RAPGEF2: variants seen among roughly 807,000 people sequenced by gnomAD.
RAPGEF2 encodes the protein PDZ domain containing guanine nucleotide exchange factor (GEF) 1.
Under a neutral mutation model 186.7 loss-of-function variants are expected in RAPGEF2, and 54 were observed. The ratio of observed to expected loss-of-function variants is 0.29; its 90% CI spans 0.23 to 0.36. The LOEUF (loss-of-function observed/expected upper bound fraction) is 0.36. RAPGEF2 is among the 10% of genes least tolerant of loss of function. RAPGEF2 has a pLI of 1.00. For synonymous variants in RAPGEF2, 712 were observed against 705.9 expected, an observed-to-expected ratio of 1.01 and a Z score of -0.14; for missense variants, 1,532 against 2,045.0, an observed-to-expected ratio of 0.75 and a Z score of 4.84.
At chr4:159,313,902 A>G (rs1040474514) in intron 8 of RAPGEF2, among the ~76,000 whole-genome samples, 5 of 152,222 alleles carry the variant, frequency 3.3e-5, no homozygotes, top group Non-Finnish European at 7.3e-5. Flanking sequence ...TAGTTCAACA[A>G]AAGAGGCCAT....
At chr4:159,284,161 A>G (rs947707526) in intron 7 of RAPGEF2, among the ~76,000 whole-genome samples, 22 of 152,154 alleles carry the variant, frequency 1.4e-4, no homozygotes, top group African/African-American at 4.8e-4. Flanking sequence ...TAACTTCCCA[A>G]TACACCCCAC....
chr4:159,119,796 T>G (rs1739459592), intron 1 of RAPGEF2, among the ~76,000 whole-genome samples: 1 of 152,176 alleles, frequency 6.6e-6, no homozygotes, highest in Non-Finnish European at 1.5e-5. Context: ...GGTAGATGAG[T>G]TCTAAACATC....
intron 1 of RAPGEF2, among the ~76,000 whole-genome samples, chr4:159,154,812 A>C (rs112495991): frequency 1.5e-3 from 226 of 152,212 alleles, no homozygotes; most frequent in African/African-American, 5.1e-3. Flanking sequence ...CCGTGTTACT[A>C]TACTGCTTCT....
intron 11 of RAPGEF2, 151 bp from the exon 12 acceptor site, chr4:159,329,707 C>G: frequency 2.0e-6 from 1 of 491,906 alleles, no homozygotes; most frequent in East Asian, 3.5e-5. Context: ...GTAGAGAAGT[C>G]TGATTAAGGT....
chr4:159,136,823 C>A (rs1370654139), intron 1 of RAPGEF2, among the ~76,000 whole-genome samples: 2 of 152,072 alleles, frequency 1.3e-5, no homozygotes, highest in Admixed American at 6.5e-5. Flanking sequence ...AGTTTGGTAA[C>A]CTTCCTTAAG....
intron 1 of RAPGEF2, among the ~76,000 whole-genome samples, chr4:159,170,551 C>T (rs373781380): frequency 4.3e-4 from 65 of 152,272 alleles, no homozygotes; most frequent in African/African-American, 1.6e-3. Context: ...ATAGGCTACA[C>T]GCAAACCCTA....
chr4:159,210,835 T>G (rs1417071061), intron 4 of RAPGEF2, among the ~76,000 whole-genome samples: 1 of 152,192 alleles, frequency 6.6e-6, no homozygotes, highest in African/African-American at 2.4e-5. Context: ...TCATGTCAGC[T>G]GTGTTGAGGG....
chr4:159,234,475 C>T (rs539276608), intron 4 of RAPGEF2, among the ~76,000 whole-genome samples: 3 of 151,012 alleles, frequency 2.0e-5, no homozygotes, highest in East Asian at 2.0e-4. Flanking sequence ...CTCTGCCTTC[C>T]GGGTTCAGGT....
chr4:159,339,441 T>C, intron 19 of RAPGEF2, 87 bp downstream of exon 19: 1 of 1,458,594 alleles, frequency 6.9e-7, no homozygotes, highest in African/African-American at 1.4e-5. Flanking sequence ...TCAAAGTGTT[T>C]TTTAAATGAG....
chr4:159,211,720 T>C (rs569438730), intron 4 of RAPGEF2, among the ~76,000 whole-genome samples: 84 of 152,376 alleles, frequency 5.5e-4, no homozygotes, highest in Non-Finnish European at 8.2e-4. Context: ...CAGAGGCACG[T>C]TGCATTTAAT....
chr4:159,294,708 G>A (rs116742558), intron 7 of RAPGEF2, among the ~76,000 whole-genome samples: 1,619 of 126,728 alleles, frequency 0.013, 36 homozygotes, highest in African/African-American at 0.043. Context: ...CCGTCTGTCC[G>A]TCCTTCCATC....
At chr4:159,119,274 A>G (rs576418522) in intron 1 of RAPGEF2, among the ~76,000 whole-genome samples, 8 of 152,250 alleles carry the variant, frequency 5.3e-5, no homozygotes, top group Middle Eastern at 3.4e-3. Context: ...AAGCCACAAA[A>G]TGGTAGTTGC....
chr4:159,223,683 G>T (rs894510443), intron 4 of RAPGEF2, among the ~76,000 whole-genome samples: 3 of 152,118 alleles, frequency 2.0e-5, no homozygotes, highest in Non-Finnish European at 4.4e-5. Flanking sequence ...ATACTCTAGC[G>T]TATACGTATC....
intron 3 of RAPGEF2, among the ~76,000 whole-genome samples, chr4:159,202,030 A>G (rs1579450160): frequency 6.6e-6 from 1 of 152,270 alleles, no homozygotes; most frequent in East Asian, 1.9e-4. Context: ...CTAAAATAGC[A>G]CCAAAATTGG....
intron 7 of RAPGEF2, among the ~76,000 whole-genome samples, chr4:159,259,925 A>T (rs1405731866): frequency 2.0e-5 from 3 of 152,082 alleles, no homozygotes; most frequent in Admixed American, 6.5e-5. Flanking sequence ...GCAACTTTTA[A>T]TTTTTAAGGA....
intron 7 of RAPGEF2, among the ~76,000 whole-genome samples, chr4:159,300,664 T>C (rs891148433): frequency 1.2e-4 from 18 of 152,192 alleles, no homozygotes; most frequent in African/African-American, 4.3e-4. Context: ...CTGTTATAAA[T>C]GGTGGCTACA....
intron 4 of RAPGEF2, among the ~76,000 whole-genome samples, chr4:159,237,787 C>A (rs1753442276): frequency 6.9e-6 from 1 of 144,796 alleles, no homozygotes; most frequent in African/African-American, 2.6e-5. Flanking sequence ...TTGATTGTGG[C>A]CCTAAGTTCA....
chr4:159,154,224 G>T lies in RAPGEF2; in HGVS notation c.70-32418G>T, dbSNP rs149402153. The stretch of plus-strand genomic sequence containing the variant: ...AGGAAAGAATTTTCTTAGCTAACTA[G>T]AAGGTTGTTCAACTAGAGAAGCAAG... On this transcript the variant is annotated intron_variant, in intron 1 of 29. Coordinates refer to ENST00000691494, the MANE Select transcript of RAPGEF2 (RefSeq NM_001394067.2). Among the ~76,000 whole-genome samples, 733 of 152,296 alleles carry T rather than the reference G, an allele frequency of 4.8e-3. 7 individuals carry two copies. The highest frequency in any genetic ancestry group is 0.016 in the African/African-American group (671 of 41,572).
At chr4:159,326,067 A>T (rs912495580) in intron 11 of RAPGEF2, among the ~76,000 whole-genome samples, 55 of 152,196 alleles carry the variant, frequency 3.6e-4, no homozygotes, top group African/African-American at 1.3e-3. Flanking sequence ...AATATGTTAA[A>T]TCAGGGATTT....
Sources: gnomAD v4.1 joint callset for allele counts (sites outside exome capture counted in the v4.1 genomes callset) on GRCh38, gnomAD v4.1.1 for gene constraint, MANE v1.5 for transcripts, NCBI Gene and HGNC (gene_info 2026-07-23, HGNC 2026-07-21) for gene names.